The following PTCHD4 variants were observed in gnomAD, a reference collection of about 807,000 sequenced individuals.
PTCHD4 encodes the protein patched domain containing 4.
A neutral mutation model predicts 58.1 loss-of-function variants in PTCHD4; 33 were observed. The observed-to-expected ratio is 0.57, with a 90% CI of 0.43 to 0.76. The LOEUF (loss-of-function observed/expected upper bound fraction) is 0.76. Among genes scored for constraint, PTCHD4 ranks in the 30% least tolerant of loss-of-function variants. The pLI is 0.00. For missense variants in PTCHD4, 1,058 were observed against 1,027.1 expected, an observed-to-expected ratio of 1.03 and a Z score of -0.41; for synonymous variants, 478 against 409.6, an observed-to-expected ratio of 1.17 and a Z score of -2.02.
chr6:47,949,770 C>T (rs1007550691), intron 4 of PTCHD4, among the ~76,000 whole-genome samples: 1 of 152,040 alleles, frequency 6.6e-6, no homozygotes, highest in Non-Finnish European at 1.5e-5. Context: ...CCATGTTTTC[C>T]CCAACATTCC....
intron 1 of PTCHD4, among the ~76,000 whole-genome samples, chr6:48,094,963 TAGAG>T (rs1582133248): frequency 6.6e-6 from 1 of 151,864 alleles, no homozygotes; most frequent in African/African-American, 2.4e-5. Context: ...AAATAATAGG[TAGAG>T]AGAGAAAATA....
At chr6:48,064,693 T>G (rs1456341219) in intron 3 of PTCHD4, among the ~76,000 whole-genome samples, 5 of 152,102 alleles carry the variant, frequency 3.3e-5, no homozygotes, top group Non-Finnish European at 5.9e-5. Flanking sequence ...GCAGTATAAG[T>G]GTGCAAATTA....
At chr6:48,034,944 A>G (rs1763576948) in intron 3 of PTCHD4, among the ~76,000 whole-genome samples, 1 of 152,142 alleles carries the variant, frequency 6.6e-6, no homozygotes, top group Non-Finnish European at 1.5e-5. Context: ...TTGCTGCTAC[A>G]CACATTCTGC....
At chr6:48,067,270 A>T (rs1469831697) in intron 3 of PTCHD4, among the ~76,000 whole-genome samples, 1 of 152,222 alleles carries the variant, frequency 6.6e-6, no homozygotes, top group East Asian at 1.9e-4. Flanking sequence ...TTTGAGAGAA[A>T]AAATTTAAAT....
intron 4 of PTCHD4, among the ~76,000 whole-genome samples, chr6:47,938,131 C>A (rs544879248): frequency 6.6e-6 from 1 of 151,718 alleles, no homozygotes; most frequent in Non-Finnish European, 1.5e-5. Flanking sequence ...CCAGCCTGGG[C>A]GACAGAGAGA....
At chr6:48,023,144 G>A (rs912432128) in intron 3 of PTCHD4, among the ~76,000 whole-genome samples, 2 of 152,126 alleles carry the variant, frequency 1.3e-5, no homozygotes, top group African/African-American at 4.8e-5. Flanking sequence ...TGTTGAATGA[G>A]ATCAATTCAT....
Position 47,873,834 on chromosome 6 carries a change from A to T in PTCHD4, c.*4469T>A, listed in dbSNP as rs1429478920. On this transcript the variant is annotated 3_prime_UTR_variant, in exon 5 of 5. Coordinates refer to ENST00000339488, the MANE Select transcript of PTCHD4 (RefSeq NM_001384253.1). ...TTGTCACAAAATTTTGGTAATTGAG[A>T]AAAAGCTAAAACTTTTTTTGTTTGT... Among the ~76,000 whole-genome samples, 2 of 151,768 alleles carry T rather than the reference A, an allele frequency of 1.3e-5. No individual in the cohort carries two copies. The highest frequency in any genetic ancestry group is 2.4e-5 in the African/African-American group (1 of 41,402).
At chr6:47,886,148 G>C (rs771813389) in intron 4 of PTCHD4, among the ~76,000 whole-genome samples, 7 of 146,846 alleles carry the variant, frequency 4.8e-5, no homozygotes, top group East Asian at 4.0e-4. Context: ...CCAGAGCAAT[G>C]TTGTTCTATA....
chr6:47,950,113 G>C (rs938369839), intron 4 of PTCHD4, among the ~76,000 whole-genome samples: 13 of 143,852 alleles, frequency 9.0e-5, no homozygotes, highest in Non-Finnish European at 1.9e-4. Context: ...TCCCACCTAT[G>C]AGTGAGAACA....
chr6:48,100,549 T>A (rs971730331), intron 1 of PTCHD4, among the ~76,000 whole-genome samples: 1 of 152,150 alleles, frequency 6.6e-6, no homozygotes, highest in Non-Finnish European at 1.5e-5. Flanking sequence ...AACTCTTTCA[T>A]CCCACAGGAT....
chr6:48,038,077 T>C (rs1763706582), intron 3 of PTCHD4, among the ~76,000 whole-genome samples: 2 of 152,082 alleles, frequency 1.3e-5, no homozygotes, highest in African/African-American at 4.8e-5. Flanking sequence ...AACTAATACT[T>C]AGTTTCTGTT....
chr6:48,006,218 A>C (rs1002215422), intron 4 of PTCHD4, among the ~76,000 whole-genome samples: 8 of 152,186 alleles, frequency 5.3e-5, no homozygotes, highest in Non-Finnish European at 2.9e-5. Flanking sequence ...TGATTCTAAA[A>C]GTCACTGGGA....
At chr6:47,989,037 G>T (rs1291855965) in intron 4 of PTCHD4, among the ~76,000 whole-genome samples, 1 of 152,230 alleles carries the variant, frequency 6.6e-6, no homozygotes, top group Non-Finnish European at 1.5e-5. Flanking sequence ...CGATATGGAC[G>T]ATAAGGTTCA....
rs186399540 is a variant in PTCHD4 at position 47,939,700 on chromosome 6, A to T, written c.899-59764T>A. On this transcript the variant is annotated intron_variant, in intron 4 of 4. Coordinates refer to ENST00000339488, the MANE Select transcript of PTCHD4 (RefSeq NM_001384253.1). ...CTAAAGTAGGGCTTTTATTAGCCCA[A>T]ATCCTGAGGTTGTTGGGAGGATGTA... 1.4e-3 allele frequency among the ~76,000 whole-genome samples: 210 copies of T among 152,184 alleles called. 1 individual carries two copies. Among genetic ancestry groups the T allele is most frequent in the African/African-American group, 4.8e-3 (200 of 41,462 alleles).
intron 4 of PTCHD4, among the ~76,000 whole-genome samples, chr6:47,979,226 C>T (rs570129651): frequency 8.6e-5 from 13 of 151,914 alleles, no homozygotes; most frequent in Admixed American, 3.3e-4. Flanking sequence ...CCTGGGATGA[C>T]GGAGTGTTTT....
intron 4 of PTCHD4, among the ~76,000 whole-genome samples, chr6:48,001,889 C>T (rs1469629571): frequency 6.6e-6 from 1 of 152,202 alleles, no homozygotes; most frequent in Non-Finnish European, 1.5e-5. Flanking sequence ...CCAGAATCTA[C>T]AATGAACTCA....
chr6:48,007,707 C>T (rs1452814584), intron 4 of PTCHD4, among the ~76,000 whole-genome samples: 2 of 152,210 alleles, frequency 1.3e-5, no homozygotes, highest in Admixed American at 6.5e-5. Flanking sequence ...AATATGAAGA[C>T]TGTCTTGCTC....
intron 1 of PTCHD4, among the ~76,000 whole-genome samples, chr6:48,091,874 T>C (rs575538595): frequency 1.3e-5 from 2 of 152,126 alleles, no homozygotes; most frequent in African/African-American, 4.8e-5. Flanking sequence ...GGTCTCGAAC[T>C]CCTGACCTCT....
intron 1 of PTCHD4, among the ~76,000 whole-genome samples, chr6:48,081,819 T>A (rs1765173529): frequency 6.6e-6 from 1 of 152,204 alleles, no homozygotes; most frequent in Admixed American, 6.5e-5. Context: ...CTATGTTGAA[T>A]GTTTACTCTA....
Sources: gnomAD v4.1 joint callset for allele counts (sites outside exome capture counted in the v4.1 genomes callset) on GRCh38, gnomAD v4.1.1 for gene constraint, MANE v1.5 for transcripts, NCBI Gene and HGNC (gene_info 2026-07-23, HGNC 2026-07-21) for gene names.